Variants in ESRRG observed in about 807,000 individuals in gnomAD.
ESRRG encodes estrogen related receptor gamma.
ESRRG carries 13 observed loss-of-function variants against 44.0 expected under a neutral mutation model. That is an observed-to-expected ratio of 0.30 (90% CI 0.19 to 0.47). The LOEUF is 0.47. Ranked by LOEUF, ESRRG falls within the 20% of genes least tolerant of loss-of-function variation. The pLI is 1.00. For synonymous variants in ESRRG, 215 were observed against 214.6 expected (o/e 1.00, Z -0.02); for missense variants, 395 against 580.6 (o/e 0.68, Z 3.29).
At chr1:217,019,151 C>T (rs1477234225) in intron 1 of ESRRG, among the ~76,000 whole-genome samples, 4 of 152,292 alleles carry the variant, frequency 2.6e-5, no homozygotes, top group South Asian at 4.1e-4. Flanking sequence ...CATGGAAGAA[C>T]TATTAAACAG....
chr1:216,564,367 G>A lies in ESRRG; in HGVS notation c.714C>T (p.Val238=), dbSNP rs1412113505. 6.2e-7 allele frequency: 1 copy of A among 1,609,428 alleles called. No individual in the cohort carries two copies. The highest frequency in any genetic ancestry group is 8.5e-7 in the Non-Finnish European group (1 of 1,177,744). The change falls in exon 5 of 7, where the codon GTC becomes GTT. Residue 238 remains valine (V), a synonymous_variant. Transcript: ENST00000408911. ...QPAKKPYNKI[V]SHLLVAEPEK... is the part of the protein sequence containing the mutation. ...CCGGTTCAGCCACCAACAAATGTGA[G>A]ACAATCTTGTTATCTGCAGGATCAG...
chr1:216,935,888 T>A (rs2064066489), intron 2 of ESRRG, among the ~76,000 whole-genome samples: 3 of 152,166 alleles, frequency 2.0e-5, no homozygotes, highest in Non-Finnish European at 4.4e-5. Context: ...GTGCTGGGAT[T>A]ACAGGTGTGA....
intron 1 of ESRRG, among the ~76,000 whole-genome samples, chr1:217,047,821 A>G (rs2085164648): frequency 6.6e-6 from 1 of 152,176 alleles, no homozygotes; most frequent in Non-Finnish European, 1.5e-5. Flanking sequence ...TCTAAATCCC[A>G]TAGTTAAGTG....
chr1:217,121,434 G>A (rs1217206608), intron 1 of ESRRG, among the ~76,000 whole-genome samples: 1 of 152,200 alleles, frequency 6.6e-6, no homozygotes, highest in Non-Finnish European at 1.5e-5. Context: ...TCCTGGTAGT[G>A]TGAAGGATGT....
At chr1:216,610,841 A>G (rs1453491317) in intron 3 of ESRRG, among the ~76,000 whole-genome samples, 1 of 152,162 alleles carries the variant, frequency 6.6e-6, no homozygotes, top group African/African-American at 2.4e-5. Context: ...AAAGGAAAGG[A>G]AACAGTGGTT....
intron 2 of ESRRG, among the ~76,000 whole-genome samples, chr1:216,663,476 A>C (rs2073076627): frequency 6.6e-6 from 1 of 152,200 alleles, no homozygotes; most frequent in African/African-American, 2.4e-5. Context: ...GATGTCCTTG[A>C]ACTAAATAAT....
intron 3 of ESRRG, among the ~76,000 whole-genome samples, chr1:216,614,333 T>C (rs2061100720): frequency 8.6e-6 from 1 of 115,816 alleles, no homozygotes; most frequent in Admixed American, 9.0e-5. Context: ...CTCTGTGACA[T>C]CCTCTTTCTC....
chr1:216,791,097 A>G (rs992503427), intron 2 of ESRRG, among the ~76,000 whole-genome samples: 2 of 152,172 alleles, frequency 1.3e-5, no homozygotes, highest in South Asian at 2.1e-4. Context: ...AGAGAACAAC[A>G]TATCAGGGTG....
chr1:216,838,178 G>A (rs947202415), intron 2 of ESRRG, among the ~76,000 whole-genome samples: 17 of 152,144 alleles, frequency 1.1e-4, no homozygotes, highest in African/African-American at 4.1e-4. Flanking sequence ...CCAAGCACCT[G>A]AAGCCAGGAA....
chr1:216,577,156 TTGA>T lies in ESRRG; in HGVS notation c.590-9061_590-9059del, dbSNP rs1009957138. 1.8e-4 allele frequency among the ~76,000 whole-genome samples: 28 copies of T among 151,780 alleles called. 1 individual carries two copies. Among genetic ancestry groups the T allele is most frequent in the African/African-American group, 6.3e-4 (26 of 41,438 alleles). ...CAAAAGGCACTATTTCTTACTTTGC[TTGA>T]TGTCAGAGGGAGAGAGAGAGAGAGA... On this transcript the variant is annotated intron_variant, in intron 3 of 6. Coordinates refer to ENST00000408911, the MANE Select transcript of ESRRG (RefSeq NM_001438.4).
chr1:216,676,522 G>T (rs1575147426), intron 2 of ESRRG, among the ~76,000 whole-genome samples: 1 of 152,040 alleles, frequency 6.6e-6, no homozygotes, highest in East Asian at 1.9e-4. Flanking sequence ...TTGGTCCCTG[G>T]ACCGGCAGCA....
intron 1 of ESRRG, among the ~76,000 whole-genome samples, chr1:217,064,567 ACCTGCTTTTCAGG>A (rs2089286043): frequency 6.6e-6 from 1 of 152,134 alleles, no homozygotes; most frequent in South Asian, 2.1e-4. Flanking sequence ...GTTTTAATTC[ACCTGCTTTTCAGG>A]CCTTCCCTCC....
chr1:216,562,469 A>G (rs2058943580), intron 5 of ESRRG, among the ~76,000 whole-genome samples: 1 of 152,040 alleles, frequency 6.6e-6, no homozygotes, highest in African/African-American at 2.4e-5. Context: ...GGGTTAGAAC[A>G]GTGGTTTTCA....
intron 2 of ESRRG, among the ~76,000 whole-genome samples, chr1:216,839,770 T>C (rs574009167): frequency 6.6e-6 from 1 of 152,254 alleles, no homozygotes; most frequent in Admixed American, 6.5e-5. Flanking sequence ...CTATCAGAGC[T>C]CCTGGGTAAT....
intron 3 of ESRRG, among the ~76,000 whole-genome samples, chr1:216,618,870 G>A (rs2061781170): frequency 6.6e-6 from 1 of 152,208 alleles, no homozygotes; most frequent in Non-Finnish European, 1.5e-5. Flanking sequence ...TGGGTGGCCT[G>A]GGGTCAACGA....
chr1:217,128,730 A>T (rs1271605170), intron 1 of ESRRG, among the ~76,000 whole-genome samples: 1 of 152,184 alleles, frequency 6.6e-6, no homozygotes, highest in Non-Finnish European at 1.5e-5. Flanking sequence ...AACAGCAATA[A>T]CTTTACATAC....
intron 3 of ESRRG, among the ~76,000 whole-genome samples, chr1:216,588,865 T>C (rs1282006536): frequency 1.3e-5 from 2 of 152,118 alleles, no homozygotes; most frequent in African/African-American, 4.8e-5. Flanking sequence ...TGGGAATCTA[T>C]CGGGTACTTC....
intron 2 of ESRRG, among the ~76,000 whole-genome samples, chr1:216,738,824 T>C (rs2090307287): frequency 6.6e-6 from 1 of 152,200 alleles, no homozygotes; most frequent in Non-Finnish European, 1.5e-5. Flanking sequence ...ACTTATCCTT[T>C]TTAAAAATTT....
At chr1:216,830,600 G>A (rs751058286) in intron 2 of ESRRG, among the ~76,000 whole-genome samples, 2 of 152,122 alleles carry the variant, frequency 1.3e-5, no homozygotes, top group Non-Finnish European at 2.9e-5. Flanking sequence ...AGAAACTGCA[G>A]GTTGTAAGAT....
Sources: gnomAD v4.1 joint callset for allele counts (sites outside exome capture counted in the v4.1 genomes callset) on GRCh38, gnomAD v4.1.1 for gene constraint, MANE v1.5 for transcripts, NCBI Gene and HGNC (gene_info 2026-07-23, HGNC 2026-07-21) for gene names.